The following ZNRF3 variants were observed in gnomAD, a reference collection of about 807,000 sequenced individuals.
ZNRF3 encodes E3 ubiquitin-protein ligase ZNRF3.
Under a neutral mutation model 72.5 loss-of-function variants are expected in ZNRF3, and 23 were observed. The observed-to-expected ratio is 0.32, with a 90% CI of 0.23 to 0.45. The LOEUF (loss-of-function observed/expected upper bound fraction) is 0.45. ZNRF3 is among the 20% of genes least tolerant of loss of function. ZNRF3 has a pLI of 1.00. For synonymous variants in ZNRF3, 610 were observed against 545.3 expected (o/e 1.12, Z -1.65); for missense variants, 1,169 against 1,272.1 (o/e 0.92, Z 1.23).
intron 1 of ZNRF3, among the ~76,000 whole-genome samples, chr22:28,977,767 C>T (rs917929844): frequency 2.6e-5 from 4 of 152,190 alleles, no homozygotes; most frequent in Non-Finnish European, 4.4e-5. Context: ...AACTCTCAGC[C>T]TAGTGTAGAG....
At chr22:29,014,274 C>G (rs186269669) in intron 2 of ZNRF3, among the ~76,000 whole-genome samples, 8 of 152,094 alleles carry the variant, frequency 5.3e-5, no homozygotes, top group Non-Finnish European at 8.8e-5. Flanking sequence ...CACCCCTTAC[C>G]CCCTCACTTA....
intron 2 of ZNRF3, among the ~76,000 whole-genome samples, chr22:29,011,235 G>C (rs1397301796): frequency 6.6e-6 from 1 of 152,204 alleles, no homozygotes; most frequent in African/African-American, 2.4e-5. Context: ...AAGAAGAAAT[G>C]CTGTTGTGAA....
Position 29,049,442 on chromosome 22 carries a change from C to T in ZNRF3, c.1261C>T (p.Pro421Ser). The T allele has an allele frequency of 3.1e-6, 5 of 1,605,768 alleles. No individual in the cohort carries two copies. Among genetic ancestry groups the T allele is most frequent in the Non-Finnish European group, 4.2e-6 (5 of 1,179,462 alleles). ...QTPAYIRSYP[P>S]LHLDHSLAAH... ...CCCCGCCTACATCCGCAGCTACCCA[C>T]CCCTCCACCTGGACCACAGCCTGGC... Residue 421 changes from proline to serine, a missense_variant, in exon 8 of 9, where the codon CCC becomes TCC. By Grantham distance (74) the Pro-to-Ser change is moderately conservative (BLOSUM62 -1). This residue lies in a region of ZNRF3 where 783 missense variants were observed against 731.4 expected (regional missense o/e 1.07). Transcript: ENST00000544604. This position sits in a 1 kb window ranked among gnomAD's most constrained non-coding sequence, Gnocchi z 5.2.
intron 1 of ZNRF3, among the ~76,000 whole-genome samples, chr22:28,906,985 C>CTT (rs1367720454): frequency 1.1e-4 from 15 of 140,422 alleles, no homozygotes; most frequent in African/African-American, 2.6e-4. Context: ...TTCTTTCTTT[C>CTT]TTTTTTTTTT....
At chr22:28,894,929 C>T (rs1250065170) in intron 1 of ZNRF3, among the ~76,000 whole-genome samples, 1 of 152,150 alleles carries the variant, frequency 6.6e-6, no homozygotes, top group Admixed American at 6.5e-5. Flanking sequence ...AATAGCCTGC[C>T]ATAGTGGAGT....
At chr22:28,977,593 G>A (rs2035698238) in intron 1 of ZNRF3, among the ~76,000 whole-genome samples, 1 of 152,186 alleles carries the variant, frequency 6.6e-6, no homozygotes, top group African/African-American at 2.4e-5. Flanking sequence ...GGCCGACAGT[G>A]GCAAAAGAAC....
At chr22:28,886,274 G>C (rs2033784244) in intron 1 of ZNRF3, among the ~76,000 whole-genome samples, 2 of 152,216 alleles carry the variant, frequency 1.3e-5, no homozygotes, top group Admixed American at 1.3e-4. Flanking sequence ...CCCTGAAAAA[G>C]TTTTTTGTAA....
chr22:29,053,414 G>A (rs1035233429), intron 8 of ZNRF3, among the ~76,000 whole-genome samples, 165 bp from the exon 9 acceptor site: 1 of 152,176 alleles, frequency 6.6e-6, no homozygotes, highest in African/African-American at 2.4e-5. Context: ...GGAGGTACCT[G>A]TGCTCTCAGC....
intron 1 of ZNRF3, among the ~76,000 whole-genome samples, chr22:28,933,002 C>A (rs1391635145): frequency 6.6e-6 from 1 of 152,210 alleles, no homozygotes; most frequent in Non-Finnish European, 1.5e-5. Context: ...CAAAGATTGC[C>A]AAGGTTTGTA....
chr22:29,010,703 C>T (rs975078647), intron 2 of ZNRF3, among the ~76,000 whole-genome samples: 5 of 152,168 alleles, frequency 3.3e-5, no homozygotes, highest in African/African-American at 9.7e-5. Context: ...CAGAGTCTCA[C>T]TCTGCACCCA....
intron 1 of ZNRF3, among the ~76,000 whole-genome samples, chr22:28,974,704 G>A (rs2035639042): frequency 6.6e-6 from 1 of 152,134 alleles, no homozygotes; most frequent in Admixed American, 6.5e-5. Flanking sequence ...GGCGCGCCAT[G>A]GCCAGATCCT....
At chr22:28,952,054 C>T (rs1169279151) in intron 1 of ZNRF3, among the ~76,000 whole-genome samples, 1 of 152,232 alleles carries the variant, frequency 6.6e-6, no homozygotes, top group Non-Finnish European at 1.5e-5. Flanking sequence ...AGTGCATTCT[C>T]CATGGGACCC....
intron 2 of ZNRF3, among the ~76,000 whole-genome samples, chr22:28,992,003 A>G (rs916197297): frequency 6.6e-6 from 1 of 151,944 alleles, no homozygotes; most frequent in Non-Finnish European, 1.5e-5. Context: ...AAAAAAAATA[A>G]TAAGCTGGGC....
chr22:28,969,060 C>T (rs1372276559), intron 1 of ZNRF3, among the ~76,000 whole-genome samples: 2 of 152,160 alleles, frequency 1.3e-5, no homozygotes, highest in Non-Finnish European at 2.9e-5. Context: ...CATGCTTCTT[C>T]GTAACATCCT....
intron 1 of ZNRF3, among the ~76,000 whole-genome samples, chr22:28,905,189 G>C (rs576037790): frequency 6.6e-6 from 1 of 152,024 alleles, no homozygotes; most frequent in Admixed American, 6.6e-5. Context: ...CTCCTGCCTC[G>C]GCCTCCCAAA....
rs758052663 is a variant in ZNRF3, at chr22:29,049,276, G to A, written c.1095G>A (p.Pro365=). Residue 365 remains proline (P), a synonymous_variant, in exon 8 of 9, where the codon CCG becomes CCA. Coordinates refer to ENST00000544604, the MANE Select transcript of ZNRF3 (RefSeq NM_001206998.2). This position sits in a 1 kb window ranked among gnomAD's most constrained non-coding sequence, Gnocchi z 5.2. ...SRGRQQRVTL[P]VHYPGRVHRT... is the part of the protein sequence containing the mutation. The stretch of plus-strand genomic sequence containing the variant: ...GTCGGCAGCAGAGGGTGACCCTGCC[G>A]GTGCATTACCCCGGCCGCGTGCACA... 13 of 1,613,936 alleles carry A rather than the reference G, an allele frequency of 8.1e-6. No individual in the cohort carries two copies. Among genetic ancestry groups the A allele is most frequent in the Admixed American group, 5.0e-5 (3 of 60,016 alleles).
intron 2 of ZNRF3, among the ~76,000 whole-genome samples, chr22:28,997,690 T>A (rs574725394): frequency 2.7e-4 from 41 of 151,990 alleles, no homozygotes; most frequent in African/African-American, 9.7e-4. Flanking sequence ...CCATACCGCC[T>A]CTGTAAAGTG....
chr22:28,912,489 T>G (rs2034335688), intron 1 of ZNRF3, among the ~76,000 whole-genome samples: 1 of 152,026 alleles, frequency 6.6e-6, no homozygotes, highest in Admixed American at 6.6e-5. Flanking sequence ...ACTCAATTAT[T>G]GTCCCTAGGA....
At chr22:28,922,815 T>C (rs2034533505) in intron 1 of ZNRF3, among the ~76,000 whole-genome samples, 1 of 152,246 alleles carries the variant, frequency 6.6e-6, no homozygotes. Context: ...GGAATCATGC[T>C]TGTGCCCCCA....
Sources: allele counts gnomAD v4.1 joint callset (sites outside exome capture counted in the v4.1 genomes callset), GRCh38; gene constraint gnomAD v4.1.1; regional missense constraint gnomAD v4.1.1; non-coding constraint Gnocchi (gnomAD v3.1); transcripts MANE v1.5; gene names NCBI Gene and HGNC (gene_info 2026-07-23, HGNC 2026-07-21).